FRMPD4: variants seen among roughly 807,000 people sequenced by gnomAD.
FRMPD4 encodes the protein FERM and PDZ domain containing 4.
Under a neutral mutation model 94.1 loss-of-function variants are expected in FRMPD4, and 22 were observed. That is an observed-to-expected ratio of 0.23 (90% CI 0.17 to 0.33). The LOEUF (loss-of-function observed/expected upper bound fraction) is 0.33. FRMPD4 is among the 10% of genes least tolerant of loss of function. The pLI, the probability that FRMPD4 is intolerant of heterozygous loss-of-function variation, is 1.00. For missense variants in FRMPD4, 1,111 were observed against 1,339.9 expected, an observed-to-expected ratio of 0.83 and a Z score of 2.67; for synonymous variants, 631 against 548.6, an observed-to-expected ratio of 1.15 and a Z score of -2.10.
At chrX:12,220,451 A>G (rs1340524114) in intron 1 of FRMPD4, among the ~76,000 whole-genome samples, 1 of 112,029 alleles carries the variant, frequency 8.9e-6, no homozygotes, top group African/African-American at 3.2e-5. Flanking sequence ...CAGATCATAT[A>G]AAAAAACCTT....
At chrX:12,616,841 T>C (rs1350461600) in intron 4 of FRMPD4, among the ~76,000 whole-genome samples, 8 of 111,950 alleles carry the variant, frequency 7.1e-5, no homozygotes, top group African/African-American at 2.6e-4. Context: ...GATGTTTTGT[T>C]TTCCCCTAGG....
intron 1 of FRMPD4, among the ~76,000 whole-genome samples, chrX:12,177,346 T>C (rs1043249791): frequency 1.8e-5 from 2 of 112,155 alleles, no homozygotes; most frequent in Admixed American, 1.9e-4. Flanking sequence ...TTCATTACAG[T>C]TTTATTGTTT....
At chrX:12,581,846 T>C (rs1211935281) in intron 2 of FRMPD4, among the ~76,000 whole-genome samples, 1 of 112,427 alleles carries the variant, frequency 8.9e-6, no homozygotes, top group Non-Finnish European at 1.9e-5. Context: ...CTTCAGATTC[T>C]TGCTCAAATG....
rs186062889 is a variant in FRMPD4, at chrX:12,612,390, G to A, written c.320-2389G>A. ...CAAAGGTCAAAGAGTACTATTTCCA[G>A]TTATTGTTATGAGTGAAAACATTGG... On this transcript the variant is annotated intron_variant, in intron 3 of 16. Coordinates refer to ENST00000675598, the MANE Select transcript of FRMPD4 (RefSeq NM_001368397.1). Among the ~76,000 whole-genome samples the A allele has an allele frequency of 9.8e-5, 11 of 112,236 alleles. No individual in the cohort carries two copies. The East Asian group carries it at 3.1e-3, about 31-fold the overall frequency.
At chrX:12,655,497 C>T (rs1360849207) in intron 4 of FRMPD4, among the ~76,000 whole-genome samples, 2 of 112,046 alleles carry the variant, frequency 1.8e-5, no homozygotes, top group East Asian at 5.5e-4. Context: ...CATTGTCCAA[C>T]ATATCATGCT....
chrX:12,368,461 A>G (rs983071912), intron 1 of FRMPD4, among the ~76,000 whole-genome samples: 40 of 112,267 alleles, frequency 3.6e-4, no homozygotes, highest in Non-Finnish European at 1.3e-4. Flanking sequence ...TACAGAAATA[A>G]AAAGAATGGT....
chrX:12,493,797 C>T (rs1184494039), intron 1 of FRMPD4, among the ~76,000 whole-genome samples: 1 of 112,079 alleles, frequency 8.9e-6, no homozygotes, highest in Non-Finnish European at 1.9e-5. Context: ...CTTAGAAATG[C>T]TGCGTGCTAC....
chrX:12,098,656 A>G (rs376979692), intron 3 of FRMPD4, among the ~76,000 whole-genome samples: 26 of 111,628 alleles, frequency 2.3e-4, no homozygotes, highest in African/African-American at 8.5e-4. Flanking sequence ...ATAGTTAGCT[A>G]TGGCTGGAGA....
At position 12,231,574 on chromosome X, in the gene FRMPD4, C is replaced by T. The variant is rs768785776; in HGVS notation, c.41+92562C>T. On this transcript the variant is annotated intron_variant, in intron 1 of 16. Coordinates refer to ENST00000675598, the MANE Select transcript of FRMPD4 (RefSeq NM_001368397.1). Reference sequence around the variant, plus strand: ...TTAAATGATTAGTAGTTGCCAGACACTCACTTGCACGGAAGACTCACTTCG... The same window carrying T: ...TTAAATGATTAGTAGTTGCCAGACATTCACTTGCACGGAAGACTCACTTCG... 4.5e-5 allele frequency among the ~76,000 whole-genome samples: 5 copies of T among 111,243 alleles called. No individual in the cohort carries two copies. In the South Asian group the frequency reaches 1.5e-3, roughly 34 times the overall value.
intron 1 of FRMPD4, among the ~76,000 whole-genome samples, chrX:12,377,980 C>T (rs2056263203): frequency 8.9e-6 from 1 of 112,500 alleles, no homozygotes; most frequent in Admixed American, 9.3e-5. Flanking sequence ...TCTTTGAAGG[C>T]AGGAGCAAGG....
At chrX:12,398,948 G>T (rs1471329281) in intron 1 of FRMPD4, among the ~76,000 whole-genome samples, 3 of 111,076 alleles carry the variant, frequency 2.7e-5, no homozygotes, top group Admixed American at 1.9e-4. Flanking sequence ...CTTTAAAGTT[G>T]TATCAGTCCC....
chrX:11,917,675 C>A (rs149860075), intron 3 of FRMPD4, among the ~76,000 whole-genome samples: 1 of 111,071 alleles, frequency 9.0e-6, no homozygotes, highest in Admixed American at 9.6e-5. Context: ...TAAGTGGGAG[C>A]TAAACAATGG....
chrX:12,041,102 C>T (rs2054752224), intron 3 of FRMPD4, among the ~76,000 whole-genome samples: 1 of 111,651 alleles, frequency 9.0e-6, no homozygotes, highest in Non-Finnish European at 1.9e-5. Context: ...TTCCCCCTTC[C>T]CTTTTGTGTT....
intron 10 of FRMPD4, among the ~76,000 whole-genome samples, chrX:12,702,448 A>T (rs1358931585): frequency 9.0e-6 from 1 of 110,995 alleles, no homozygotes; most frequent in Non-Finnish European, 1.9e-5. Flanking sequence ...AGGCAGTGGG[A>T]CTCCCCGTTG....
chrX:12,266,382 C>T (rs2054277442), intron 1 of FRMPD4, among the ~76,000 whole-genome samples: 1 of 111,118 alleles, frequency 9.0e-6, no homozygotes, highest in South Asian at 3.8e-4. Flanking sequence ...CGTAAGCTGG[C>T]TCTTTTCCTT....
chrX:12,230,841 C>A (rs2056976771), intron 1 of FRMPD4, among the ~76,000 whole-genome samples: 1 of 93,908 alleles, frequency 1.1e-5, no homozygotes, highest in Non-Finnish European at 2.1e-5. Flanking sequence ...GACCTAACTA[C>A]AAAGCACTAT....
chrX:12,340,790 C>T lies in FRMPD4; in HGVS notation c.42-157890C>T, dbSNP rs186134127. Among the ~76,000 whole-genome samples the T allele has an allele frequency of 1.8e-3, 207 of 112,029 alleles. 2 individuals are homozygous for T. The highest frequency in any genetic ancestry group is 4.1e-3 in the Admixed American group (43 of 10,606). On this transcript the variant is annotated intron_variant, in intron 1 of 16. Coordinates refer to ENST00000675598, the MANE Select transcript of FRMPD4 (RefSeq NM_001368397.1). ...AAACTTTCCTTACCTTTGTTAGTTG[C>T]TCCACGTTTTACAAATGTTCATCTG... is the stretch of plus-strand genomic sequence containing the variant.
At chrX:12,457,816 CTT>C (rs1194622490) in intron 1 of FRMPD4, among the ~76,000 whole-genome samples, 5 of 111,999 alleles carry the variant, frequency 4.5e-5, no homozygotes, top group Non-Finnish European at 9.4e-5. Context: ...CACCGTCTCT[CTT>C]AATCTTCAGA....
At chrX:12,346,438 C>T (rs1362153688) in intron 1 of FRMPD4, among the ~76,000 whole-genome samples, 2 of 111,428 alleles carry the variant, frequency 1.8e-5, no homozygotes, top group Non-Finnish European at 1.9e-5. Flanking sequence ...CAAACCTTCT[C>T]AGTCATTCCT....
Sources: allele counts gnomAD v4.1 joint callset (sites outside exome capture counted in the v4.1 genomes callset), GRCh38; gene constraint gnomAD v4.1.1; transcripts MANE v1.5; gene names NCBI Gene and HGNC (gene_info 2026-07-23, HGNC 2026-07-21).